LRPPRC: variants seen among roughly 807,000 people sequenced by gnomAD.
LRPPRC encodes leucine-rich PPR motif-containing protein, mitochondrial.
LRPPRC carries 120 observed loss-of-function variants against 180.3 expected under a neutral mutation model. The ratio of observed to expected loss-of-function variants is 0.67; its 90% CI spans 0.57 to 0.77. The LOEUF is 0.77. Ranked by LOEUF, LRPPRC falls within the 30% of genes least tolerant of loss-of-function variation. The pLI is 0.00. For missense variants in LRPPRC, 2,012 were observed against 1,657.2 expected, an observed-to-expected ratio of 1.21 and a Z score of -3.72; for synonymous variants, 723 against 600.0, an observed-to-expected ratio of 1.21 and a Z score of -3.00.
intron 14 of LRPPRC, among the ~76,000 whole-genome samples, chr2:43,951,410 G>C (rs904165927): frequency 6.6e-6 from 1 of 152,172 alleles, no homozygotes; most frequent in Non-Finnish European, 1.5e-5. Context: ...AAAGTGAGGG[G>C]CTAATGTGCC....
Position 43,976,174 on chromosome 2 carries a change from T to C in LRPPRC, c.706A>G (p.Ser236Gly). ...CTGGCATGCCCTGTCACAAGGGCAC[T>C]GAATACTGCCTCTGTAACTGGGAGA... Reference protein sequence around the residue: ...KDLPVTEAVFSALVTGHARAG... With the variant: ...KDLPVTEAVFGALVTGHARAG... Residue 236 changes from serine to glycine, a missense_variant, in exon 6 of 38, where the codon AGT becomes GGT. Transcript: ENST00000260665. The C allele has an allele frequency of 1.9e-6, 3 of 1,613,088 alleles. No individual in the cohort carries two copies. The highest frequency in any genetic ancestry group is 2.5e-6 in the Non-Finnish European group (3 of 1,179,052).
In LRPPRC at chr2:43,973,784, G is replaced by A; in HGVS notation, c.1261+11C>T. ...CTTCCTTACTTGGCTTTAACTTTAA[G>A]AATGTAGTACCAGTTTTATTGGCGA... On this transcript the variant is annotated intron_variant, in intron 10 of 37. Transcript: ENST00000260665. 6.2e-7 allele frequency: 1 copy of A among 1,608,136 alleles called. No individual in the cohort carries two copies. The highest frequency in any genetic ancestry group is 8.5e-7 in the Non-Finnish European group (1 of 1,174,582).
chr2:43,901,691 A>C (rs553921334), intron 31 of LRPPRC, 167 bp from the exon 32 acceptor site: 16 of 616,692 alleles, frequency 2.6e-5, no homozygotes, highest in South Asian at 1.4e-4. Context: ...AGATACCCCC[A>C]AAAATTATTT....
At chr2:43,989,018 G>C (rs904264205) in intron 1 of LRPPRC, among the ~76,000 whole-genome samples, 3 of 152,104 alleles carry the variant, frequency 2.0e-5, no homozygotes, top group African/African-American at 7.2e-5. Context: ...AGGACTACAG[G>C]TGCATGCCAC....
At chr2:43,949,119 TA>T (rs1276464715) in intron 16 of LRPPRC, among the ~76,000 whole-genome samples, 1 of 152,164 alleles carries the variant, frequency 6.6e-6, no homozygotes, top group Non-Finnish European at 1.5e-5. Flanking sequence ...GATAGAAATG[TA>T]AACTTTCAAG....
At chr2:43,904,264 T>C (rs1415518977) in intron 31 of LRPPRC, 2 of 152,074 alleles carry the variant, frequency 1.3e-5, no homozygotes, top group Non-Finnish European at 2.9e-5. Flanking sequence ...GCACAAGAAG[T>C]GTTTTCTATT....
At chr2:43,920,097 A>C (rs1270075034) in intron 27 of LRPPRC, among the ~76,000 whole-genome samples, 1 of 151,768 alleles carries the variant, frequency 6.6e-6, no homozygotes, top group East Asian at 1.9e-4. Flanking sequence ...AAAAAAAAAA[A>C]AAAAACTTAG....
intron 23 of LRPPRC, among the ~76,000 whole-genome samples, chr2:43,939,656 GT>G (rs1306789950): frequency 1.3e-5 from 2 of 151,962 alleles, no homozygotes; most frequent in Non-Finnish European, 2.9e-5. Context: ...AGAGCTAAAT[GT>G]TTTTTTTCTG....
intron 1 of LRPPRC, among the ~76,000 whole-genome samples, chr2:43,988,566 A>G (rs1306895513): frequency 3.9e-5 from 6 of 151,956 alleles, no homozygotes; most frequent in Non-Finnish European, 7.4e-5. Flanking sequence ...CCACTGCTCA[A>G]TAAACAATAG....
intron 2 of LRPPRC, among the ~76,000 whole-genome samples, chr2:43,981,914 T>C (rs1674325194): frequency 6.6e-6 from 1 of 152,106 alleles, no homozygotes. Flanking sequence ...AAGACTTTTT[T>C]TTTTGTTTTA....
intron 22 of LRPPRC, 61 bp downstream of exon 22, chr2:43,945,271 A>C (rs965623628): frequency 6.4e-6 from 7 of 1,099,596 alleles, no homozygotes; most frequent in Non-Finnish European, 9.8e-6. Flanking sequence ...ATATCAATTC[A>C]CATGTTATTC....
At chr2:43,935,329 TCCA>T (rs1222827796) in intron 23 of LRPPRC, among the ~76,000 whole-genome samples, 3 of 152,222 alleles carry the variant, frequency 2.0e-5, no homozygotes, top group African/African-American at 7.2e-5. Context: ...TTATTAAATG[TCCA>T]CCAATAGCTA....
rs573340993 is a variant in LRPPRC, at chr2:43,952,530, T to A, written c.1650-1930A>T. 9.2e-5 allele frequency among the ~76,000 whole-genome samples: 14 copies of A among 152,352 alleles called. No individual in the cohort carries two copies. In the South Asian group the frequency reaches 2.9e-3, roughly 32 times the overall value. On this transcript the variant is annotated intron_variant, in intron 14 of 37. Transcript: ENST00000260665. ...ATTCAAAATTCAACTAACATTTTTT[T>A]GGTCCTCTTTCACTAAGTTTTGGAA...
intron 11 of LRPPRC, among the ~76,000 whole-genome samples, chr2:43,968,156 T>G (rs913229535): frequency 1.3e-5 from 2 of 152,112 alleles, no homozygotes; most frequent in Non-Finnish European, 2.9e-5. Context: ...GTTCTGGTAC[T>G]TAATAGCAAT....
chr2:43,895,129 A>T (rs916785373), intron 35 of LRPPRC, among the ~76,000 whole-genome samples: 3 of 152,196 alleles, frequency 2.0e-5, no homozygotes, highest in African/African-American at 7.2e-5. Flanking sequence ...TATTTCCTGT[A>T]GCGAGTGAAT....
At chr2:43,927,756 T>C (rs1671939900) in intron 25 of LRPPRC, among the ~76,000 whole-genome samples, 1 of 152,236 alleles carries the variant, frequency 6.6e-6, no homozygotes. Context: ...AATCTGCCTG[T>C]CTTTGGCAGG....
intron 13 of LRPPRC, among the ~76,000 whole-genome samples, chr2:43,958,383 T>C (rs1235599757): frequency 6.6e-6 from 1 of 152,212 alleles, no homozygotes; most frequent in African/African-American, 2.4e-5. Context: ...TTAAGGTACC[T>C]GGTTTCATTA....
intron 4 of LRPPRC, 36 bp downstream of exon 4, chr2:43,977,118 TG>T: frequency 6.2e-7 from 1 of 1,608,932 alleles, no homozygotes; most frequent in South Asian, 1.1e-5. Flanking sequence ...AAAAAAATGG[TG>T]GATGTGAAAA....
intron 21 of LRPPRC, 58 bp downstream of exon 21, chr2:43,946,055 T>C (rs186780668): frequency 6.5e-7 from 1 of 1,540,278 alleles, no homozygotes; most frequent in Non-Finnish European, 9.0e-7. Flanking sequence ...AGATAATCTA[T>C]CAAGGTCTGT....
Sources: gnomAD v4.1 joint callset for allele counts (sites outside exome capture counted in the v4.1 genomes callset) on GRCh38, gnomAD v4.1.1 for gene constraint, MANE v1.5 for transcripts, NCBI Gene and HGNC (gene_info 2026-07-23, HGNC 2026-07-21) for gene names.